LMO1: variants seen among roughly 807,000 people sequenced by gnomAD.
LMO1 encodes rhombotin-1.
In LMO1, 10 loss-of-function variants were observed where a neutral mutation model predicts 18.0. The ratio of observed to expected loss-of-function variants is 0.55; its 90% confidence interval spans 0.34 to 0.94. The LOEUF is 0.94. Among genes scored for constraint, LMO1 ranks in the 40% least tolerant of loss-of-function variants. The probability of loss-of-function intolerance (pLI) is 0.02; values close to 1 mark genes in which losing one functional copy is unlikely to be tolerated. For missense variants in LMO1, 183 were observed against 205.7 expected (o/e 0.89, Z 0.68); for synonymous variants, 77 against 77.9 (o/e 0.99, Z 0.06).
Position 8,224,338 on chromosome 11 carries a change from G to A in LMO1, c.*278C>T, listed in dbSNP as rs900670785. On this transcript the variant is annotated 3_prime_UTR_variant, in exon 4 of 4. Transcript: ENST00000335790. The stretch of plus-strand genomic sequence containing the variant: ...GGAAACATTCATAAGTTTAATCCAC[G>A]CCAGTAATAAAATCGCATTACATTT... 1.1e-5 allele frequency: 5 copies of A among 447,590 alleles called. No individual in the cohort carries two copies. Among genetic ancestry groups the A allele is most frequent in the East Asian group, 7.1e-5 (2 of 28,086 alleles). 27.7% of individuals were successfully genotyped at this position (447,590 alleles called of 1,614,324 possible). A position where few individuals can be genotyped will look rare whatever the true frequency, so the allele number is the denominator to read the frequency against.
intron 1 of LMO1, among the ~76,000 whole-genome samples, chr11:8,262,876 C>G (rs933524845): frequency 6.6e-6 from 1 of 151,678 alleles, no homozygotes; most frequent in South Asian, 2.1e-4. Flanking sequence ...CTCTGGAGCC[C>G]GATTCTCCCC....
chr11:8,230,627 C>G (rs2134523569), intron 1 of LMO1, 123 bp from the exon 2 acceptor site: 2 of 1,007,294 alleles, frequency 2.0e-6, no homozygotes, highest in Non-Finnish European at 3.0e-6. Flanking sequence ...TTTGGGGCTC[C>G]CAGGAGCCCT....
chr11:8,242,813 GA>G (rs1466712401), intron 1 of LMO1, among the ~76,000 whole-genome samples: 1 of 152,250 alleles, frequency 6.6e-6, no homozygotes, highest in East Asian at 1.9e-4. Flanking sequence ...TCAGGGACGT[GA>G]GCACCAGCGC....
At chr11:8,249,855 G>A (rs11041826) in intron 1 of LMO1, among the ~76,000 whole-genome samples, 15,423 of 152,066 alleles carry the variant, frequency 0.1, 856 homozygotes, top group South Asian at 0.2. Flanking sequence ...TTCATTATCC[G>A]CTCAACAAAT....
chr11:8,248,810 A>G (rs1475594954), intron 1 of LMO1, among the ~76,000 whole-genome samples: 1 of 152,164 alleles, frequency 6.6e-6, no homozygotes, highest in Non-Finnish European at 1.5e-5. Flanking sequence ...ATAGGTCTAG[A>G]CTTGCTGCCT....
At chr11:8,242,274 C>G (rs920233365) in intron 1 of LMO1, among the ~76,000 whole-genome samples, 1 of 152,206 alleles carries the variant, frequency 6.6e-6, no homozygotes, top group Non-Finnish European at 1.5e-5. Context: ...TCCTCCAGCC[C>G]CTGCCTCCAC....
intron 1 of LMO1, among the ~76,000 whole-genome samples, chr11:8,255,830 T>C (rs1285151872): frequency 1.4e-5 from 2 of 138,128 alleles, no homozygotes; most frequent in African/African-American, 2.7e-5. Flanking sequence ...TTTTTTTTTT[T>C]TTTTTTTTTT....
At chr11:8,249,898 C>G (rs148046415) in intron 1 of LMO1, among the ~76,000 whole-genome samples, 3,843 of 152,286 alleles carry the variant, frequency 0.025, 79 homozygotes, top group Admixed American at 0.034. Flanking sequence ...GGGGCTAGCC[C>G]TTAACATCTA....
At position 8,254,242 on chromosome 11, in the gene LMO1, C is replaced by T. The variant is rs77492016; in HGVS notation, c.25+9096G>A. 4.0e-3 allele frequency among the ~76,000 whole-genome samples: 603 copies of T among 152,264 alleles called. 4 individuals are homozygous for T. Among genetic ancestry groups the T allele is most frequent in the Non-Finnish European group, 4.7e-3 (323 of 68,026 alleles). ...TCTAAATCAATATAACACTGCTCCACGCCGGAATTACCATGGTAACTCAAG... is the reference window on the plus strand; with the variant it reads ...TCTAAATCAATATAACACTGCTCCATGCCGGAATTACCATGGTAACTCAAG... On this transcript the variant is annotated intron_variant, in intron 1 of 3. Transcript: ENST00000335790.
At chr11:8,232,512 C>T (rs1952684154) in intron 1 of LMO1, among the ~76,000 whole-genome samples, 1 of 152,152 alleles carries the variant, frequency 6.6e-6, no homozygotes, top group African/African-American at 2.4e-5. Flanking sequence ...GGGACCTGGA[C>T]CAGGGTAGGG....
chr11:8,227,542 C>G (rs150642228), intron 2 of LMO1, among the ~76,000 whole-genome samples: 358 of 152,314 alleles, frequency 2.4e-3, no homozygotes, highest in African/African-American at 8.3e-3. Context: ...TGAAACACAC[C>G]CTTTATGGGG....
intron 1 of LMO1, among the ~76,000 whole-genome samples, chr11:8,251,498 A>C (rs1345870150): frequency 8.5e-5 from 13 of 152,204 alleles, no homozygotes; most frequent in Non-Finnish European, 1.6e-4. Context: ...TGGCTCAGGA[A>C]GGAACCACCC....
chr11:8,236,193 A>ATTT (rs36082497), intron 1 of LMO1, among the ~76,000 whole-genome samples: 2 of 144,284 alleles, frequency 1.4e-5, no homozygotes, highest in African/African-American at 5.1e-5. Context: ...TAGCCTTGGT[A>ATTT]TTTTTTTTTT....
At chr11:8,248,625 T>C (rs1846935855) in intron 1 of LMO1, among the ~76,000 whole-genome samples, 1 of 151,908 alleles carries the variant, frequency 6.6e-6, no homozygotes, top group South Asian at 2.1e-4. Context: ...TGGACTGGAG[T>C]AGAAATAGGT....
At chr11:8,258,753 T>A (rs1375130882) in intron 1 of LMO1, among the ~76,000 whole-genome samples, 2 of 152,200 alleles carry the variant, frequency 1.3e-5, no homozygotes, top group East Asian at 3.8e-4. Context: ...TAGGGAAACA[T>A]ACATTTTCAT....
rs191206631 is a variant in LMO1, at chr11:8,233,632, C to T, written c.26-3128G>A. 2.1e-4 allele frequency among the ~76,000 whole-genome samples: 32 copies of T among 152,168 alleles called. No homozygotes were observed. In the East Asian group the frequency reaches 6.2e-3, roughly 30 times the overall value. On this transcript the variant is annotated intron_variant, in intron 1 of 3. Coordinates refer to ENST00000335790, the MANE Select transcript of LMO1 (RefSeq NM_002315.3). ...GAGGGGCTCTGTAGTCTCCTGCTCC[C>T]CAGATGGAGGGATAAGCTCCCCACA...
intron 1 of LMO1, among the ~76,000 whole-genome samples, chr11:8,241,067 G>A (rs1350010376): frequency 6.6e-6 from 1 of 152,010 alleles, no homozygotes; most frequent in Non-Finnish European, 1.5e-5. Flanking sequence ...CCATTCTTTG[G>A]TTGTCTCTAG....
At chr11:8,235,959 G>T (rs1322248823) in intron 1 of LMO1, among the ~76,000 whole-genome samples, 1 of 152,212 alleles carries the variant, frequency 6.6e-6, no homozygotes, top group East Asian at 1.9e-4. Context: ...GAACTGATTT[G>T]ATTGTTCTAC....
At chr11:8,263,269 G>C (rs1847219420) in intron 1 of LMO1, 69 bp downstream of exon 1, 1 of 1,515,154 alleles carries the variant, frequency 6.6e-7, no homozygotes, top group African/African-American at 1.4e-5. Context: ...GTCCCCGCGT[G>C]TGTGTGCCTG....
Sources: gnomAD v4.1 joint callset for allele counts (sites outside exome capture counted in the v4.1 genomes callset) on GRCh38, gnomAD v4.1.1 for gene constraint, MANE v1.5 for transcripts, NCBI Gene and HGNC (gene_info 2026-07-23, HGNC 2026-07-21) for gene names.